Variants in THSD7B observed in about 807,000 individuals in gnomAD.
THSD7B encodes thrombospondin type 1 domain containing 7B.
In THSD7B, 138 loss-of-function variants were observed where a neutral mutation model predicts 213.6. The ratio of observed to expected loss-of-function variants is 0.65; its 90% CI spans 0.56 to 0.74. The LOEUF (loss-of-function observed/expected upper bound fraction) is 0.74. Among genes scored for constraint, THSD7B ranks in the 30% least tolerant of loss-of-function variants. THSD7B has a pLI of 0.00. For missense variants in THSD7B, 1,931 were observed against 1,991.5 expected (o/e 0.97, Z 0.58); for synonymous variants, 742 against 687.0 (o/e 1.08, Z -1.25).
Position 137,656,942 on chromosome 2 carries a change from C to G in THSD7B, c.4252C>G (p.Gln1418Glu). ...TGAGAACCAAGACAGCTGCCCCCAACAGGTTCTAGAAACACGCCCTTGTAC... is the reference window on the plus strand; with the variant it reads ...TGAGAACCAAGACAGCTGCCCCCAAGAGGTTCTAGAAACACGCCCTTGTAC... Reference protein sequence around the residue: ...SFENQDSCPQQVLETRPCTGG... With the variant: ...SFENQDSCPQEVLETRPCTGG... The change falls in exon 23 of 28, where the codon CAG becomes GAG. Residue 1418 changes from glutamine (Q) to glutamate (E), a missense_variant. Physicochemically the swap from Gln to Glu is conservative, Grantham distance 29. Coordinates refer to ENST00000409968, the MANE Select transcript of THSD7B (RefSeq NM_001316349.2). 1 of 1,614,000 alleles carries G rather than the reference C, an allele frequency of 6.2e-7. No individual in the cohort carries two copies. The highest frequency in any genetic ancestry group is 1.6e-4 in the Middle Eastern group (1 of 6,062).
chr2:137,077,203 C>T (rs1018137419), intron 3 of THSD7B, among the ~76,000 whole-genome samples: 3 of 152,052 alleles, frequency 2.0e-5, no homozygotes, highest in Admixed American at 6.6e-5. Flanking sequence ...TATGTGCCAT[C>T]TTTTCTTAAT....
rs539500087 is a variant in THSD7B, at chr2:137,226,436, T to G, written c.1724-4608T>G. 5.9e-4 allele frequency among the ~76,000 whole-genome samples: 90 copies of G among 151,876 alleles called. 2 individuals carry two copies. Among genetic ancestry groups the G allele is most frequent in the Non-Finnish European group, 7.5e-4 (51 of 67,800 alleles). On this transcript the variant is annotated intron_variant, in intron 7 of 27. Coordinates refer to ENST00000409968, the MANE Select transcript of THSD7B (RefSeq NM_001316349.2). The stretch of plus-strand genomic sequence containing the variant: ...TACTCTAGGGTCAGAAAATAAGAAT[T>G]ATAGACTATGCTGTTTGTTTATTTT...
intron 10 of THSD7B, among the ~76,000 whole-genome samples, chr2:137,270,661 A>G (rs990992890): frequency 9.9e-5 from 15 of 152,182 alleles, no homozygotes; most frequent in African/African-American, 3.6e-4. Flanking sequence ...GGGTGGTGGC[A>G]AGGAGAAAGC....
intron 3 of THSD7B, among the ~76,000 whole-genome samples, chr2:137,067,680 TA>T (rs1013311999): frequency 1.1e-3 from 166 of 152,190 alleles, no homozygotes; most frequent in African/African-American, 3.7e-3. Flanking sequence ...CCAACTCAGG[TA>T]AGACAGGAAG....
chr2:137,410,625 T>A (rs1279557946), intron 13 of THSD7B, among the ~76,000 whole-genome samples: 1 of 152,046 alleles, frequency 6.6e-6, no homozygotes, highest in East Asian at 1.9e-4. Context: ...GAGCCAATCA[T>A]CCCATCAGCA....
At chr2:137,561,079 G>T (rs986900489) in intron 15 of THSD7B, among the ~76,000 whole-genome samples, 1 of 152,154 alleles carries the variant, frequency 6.6e-6, no homozygotes, top group African/African-American at 2.4e-5. Context: ...TTTAAGAGGT[G>T]CTGTTTAAAT....
chr2:137,029,708 G>A (rs1016130333), intron 2 of THSD7B, among the ~76,000 whole-genome samples: 5 of 152,214 alleles, frequency 3.3e-5, no homozygotes, highest in South Asian at 2.1e-4. Flanking sequence ...AGTTCATTGC[G>A]GGATTTCTCA....
intron 14 of THSD7B, among the ~76,000 whole-genome samples, chr2:137,441,505 G>A (rs1687412183): frequency 6.6e-6 from 1 of 152,116 alleles, no homozygotes; most frequent in East Asian, 1.9e-4. Context: ...GCTACACTGT[G>A]AAGGTTATTT....
At chr2:137,137,743 GT>G (rs1297603308) in intron 5 of THSD7B, among the ~76,000 whole-genome samples, 2 of 151,892 alleles carry the variant, frequency 1.3e-5, no homozygotes, top group Non-Finnish European at 2.9e-5. Flanking sequence ...CTTTTTGTGG[GT>G]TTTTTGTGGA....
chr2:137,099,174 G>A (rs1688098958), intron 4 of THSD7B, among the ~76,000 whole-genome samples: 1 of 152,184 alleles, frequency 6.6e-6, no homozygotes, highest in African/African-American at 2.4e-5. Context: ...TTGGCTCTTG[G>A]TGTGGTTGTC....
At chr2:137,350,479 G>A (rs889675181) in intron 12 of THSD7B, among the ~76,000 whole-genome samples, 23 of 151,700 alleles carry the variant, frequency 1.5e-4, no homozygotes, top group African/African-American at 3.6e-4. Flanking sequence ...AGTGGCACCC[G>A]GTAAAGTCAT....
chr2:137,070,516 TA>T (rs1687460641), intron 3 of THSD7B, among the ~76,000 whole-genome samples: 1 of 151,862 alleles, frequency 6.6e-6, no homozygotes, highest in Non-Finnish European at 1.5e-5. Flanking sequence ...CAAGTTGTGT[TA>T]AATATTGCCA....
intron 2 of THSD7B, among the ~76,000 whole-genome samples, chr2:137,053,451 A>T (rs1237031852): frequency 2.0e-5 from 3 of 152,164 alleles, no homozygotes; most frequent in African/African-American, 7.2e-5. Flanking sequence ...AATTATTTGG[A>T]AAAATTCTGT....
At position 137,056,908 on chromosome 2, in the gene THSD7B, C is replaced by A; in HGVS notation, c.628C>A (p.Pro210Thr). ...QHRTRAVIAP[P>T]LFGGLQCPNL... ...TAGAACTCGCGCGGTCATAGCTCCC[C>A]CTCTCTTTGGTGGTTTGCAATGTCC... The change falls in exon 3 of 28, where the codon CCT becomes ACT. Residue 210 changes from proline to threonine, a missense_variant. Coordinates refer to ENST00000409968, the MANE Select transcript of THSD7B (RefSeq NM_001316349.2). 1 of 1,613,866 alleles carries A rather than the reference C, an allele frequency of 6.2e-7. No homozygotes were observed. Among genetic ancestry groups the A allele is most frequent in the Non-Finnish European group, 8.5e-7 (1 of 1,179,850 alleles).
chr2:137,113,427 T>C (rs1035709710), intron 4 of THSD7B, among the ~76,000 whole-genome samples: 1 of 152,056 alleles, frequency 6.6e-6, no homozygotes, highest in Non-Finnish European at 1.5e-5. Flanking sequence ...TTTTTGTGTG[T>C]GTGTTTTTTT....
intron 15 of THSD7B, among the ~76,000 whole-genome samples, chr2:137,549,188 C>T (rs1045369220): frequency 6.6e-6 from 1 of 151,822 alleles, no homozygotes; most frequent in African/African-American, 2.4e-5. Flanking sequence ...CACCTTAGTA[C>T]ATATGTTTCT....
intron 17 of THSD7B, among the ~76,000 whole-genome samples, chr2:137,605,429 C>T (rs2104827373): frequency 6.6e-6 from 1 of 152,024 alleles, no homozygotes. Context: ...CACATAAGTA[C>T]AAAAATCAGT....
intron 4 of THSD7B, among the ~76,000 whole-genome samples, chr2:137,103,607 A>G (rs1254203172): frequency 6.6e-6 from 1 of 152,156 alleles, no homozygotes; most frequent in Non-Finnish European, 1.5e-5. Context: ...TAAAGAGTCA[A>G]TACCCATCGG....
intron 17 of THSD7B, among the ~76,000 whole-genome samples, chr2:137,588,879 A>G (rs962517929): frequency 1.3e-5 from 2 of 151,948 alleles, no homozygotes; most frequent in South Asian, 2.1e-4. Context: ...TCCACCTCCC[A>G]GTGGATTTTC....
Sources: allele counts gnomAD v4.1 joint callset (sites outside exome capture counted in the v4.1 genomes callset), GRCh38; gene constraint gnomAD v4.1.1; transcripts MANE v1.5; gene names NCBI Gene and HGNC (gene_info 2026-07-23, HGNC 2026-07-21).